The following ALG9 variants were observed in gnomAD, a reference collection of about 807,000 sequenced individuals.
ALG9 encodes the protein alpha-1,2-mannosyltransferase ALG9.
Under a neutral mutation model 81.8 loss-of-function variants are expected in ALG9, and 55 were observed. The observed-to-expected ratio is 0.67, with a 90% CI of 0.54 to 0.84. ALG9 has a LOEUF of 0.84. ALG9 is among the 40% of genes least tolerant of loss of function. The pLI, the probability that ALG9 is intolerant of heterozygous loss-of-function variation, is 0.00. For missense variants in ALG9, 629 were observed against 745.0 expected (o/e 0.84, Z 1.81); for synonymous variants, 278 against 274.3 (o/e 1.01, Z -0.13).
chr11:111,780,473 T>C (rs782157013), downstream of ALG9, among the ~76,000 whole-genome samples: 18 of 151,066 alleles, frequency 1.2e-4, no homozygotes, highest in Admixed American at 3.3e-4. Context: ...CTTGGCTCAC[T>C]GCAACCTCCA....
Position 111,843,629 on chromosome 11 carries a change from T to C in ALG9, c.1018+972A>G, listed in dbSNP as rs1442892414. Among the ~76,000 whole-genome samples, 98 of 152,130 alleles carry C rather than the reference T, an allele frequency of 6.4e-4. 2 individuals carry two copies. The highest frequency in any genetic ancestry group is 8.8e-5 in the Non-Finnish European group (6 of 68,018). ...TCAGACTGCAAAGTCTGAAATTAAATCTTTTTCCAAACCTCATATGAATTT... is the reference window on the plus strand; with the variant it reads ...TCAGACTGCAAAGTCTGAAATTAAACCTTTTTCCAAACCTCATATGAATTT... On this transcript the variant is annotated intron_variant, in intron 9 of 14. Transcript: ENST00000616540.
intron 7 of ALG9, 62 bp from the exon 8 acceptor site, chr11:111,853,547 C>A: frequency 6.4e-7 from 1 of 1,572,106 alleles, no homozygotes; most frequent in Non-Finnish European, 8.8e-7. Context: ...ATAGGATAAA[C>A]CTGAGAATGA....
At position 111,870,507 on chromosome 11, in the gene ALG9, G is replaced by A. The variant is rs561974701; in HGVS notation, c.132-137C>T. On this transcript the variant is annotated intron_variant, in intron 1 of 14. Transcript: ENST00000616540. ...ACTTAAGTTATTCACCTAAAAAGGT[G>A]AATAGCTAGTTGTTTTTTCTCAGTA... The A allele has an allele frequency of 2.9e-5, 34 of 1,176,182 alleles. No individual in the cohort carries two copies. In the African/African-American group the frequency reaches 5.2e-4, roughly 18 times the overall value. The allele number at this position is 1,176,182 out of a possible 1,614,324, so 72.9% of individuals were successfully genotyped here.
chr11:111,866,545 C>T (rs1555153200), intron 3 of ALG9, among the ~76,000 whole-genome samples: 2 of 151,984 alleles, frequency 1.3e-5, no homozygotes, highest in East Asian at 1.9e-4. Flanking sequence ...TTCCCCTTTG[C>T]TGAATGGCTA....
chr11:111,869,768 G>A (rs528544992), intron 2 of ALG9, among the ~76,000 whole-genome samples: 3 of 152,278 alleles, frequency 2.0e-5, no homozygotes, highest in African/African-American at 7.2e-5. Flanking sequence ...TGAGAGGATC[G>A]CTTGAGCCTA....
In ALG9 at chr11:111,836,222, G is replaced by T; in HGVS notation, c.1545C>A (p.Ala515=). 6.2e-7 allele frequency: 1 copy of T among 1,614,050 alleles called. No homozygotes were observed. Among genetic ancestry groups the T allele is most frequent in the Non-Finnish European group, 8.5e-7 (1 of 1,179,952 alleles). Residue 515 remains alanine (A), a synonymous_variant, in exon 13 of 15, where the codon GCC becomes GCA. Coordinates refer to ENST00000616540, the MANE Select transcript of ALG9 (RefSeq NM_024740.2). ...LPKPFAEGPL[A]TRIVPTDMND... ...TCATGTCAGTAGGAACAATCCGGGT[G>T]GCCAGAGGTCCTTCTGCAAAAGGTT... is the stretch of plus-strand genomic sequence containing the variant.
chr11:111,771,412 C>CA, the ALG9 span: 2 of 152,302 alleles, frequency 1.3e-5, no homozygotes, highest in East Asian at 3.9e-4. Flanking sequence ...AGAAAAGCAT[C>CA]AGTCATGAGG....
chr11:111,776,684 G>A, the ALG9 span, among the ~76,000 whole-genome samples: 1 of 152,184 alleles, frequency 6.6e-6, no homozygotes, highest in Non-Finnish European at 1.5e-5. Flanking sequence ...CTAAGATTGA[G>A]CTCAAAGGAG....
chr11:111,865,492 T>C (rs968884735), intron 3 of ALG9, among the ~76,000 whole-genome samples: 2 of 152,230 alleles, frequency 1.3e-5, no homozygotes, highest in Non-Finnish European at 2.9e-5. Context: ...ATTGCAGTTT[T>C]AGTAAAAACT....
intron 10 of ALG9, among the ~76,000 whole-genome samples, chr11:111,838,887 G>T (rs1955764566): frequency 6.6e-6 from 1 of 152,058 alleles, no homozygotes; most frequent in Non-Finnish European, 1.5e-5. Context: ...TTACAAACTA[G>T]ATGAATATAA....
the ALG9 span, among the ~76,000 whole-genome samples, chr11:111,770,495 C>G: frequency 1.3e-5 from 2 of 151,716 alleles, no homozygotes; most frequent in Admixed American, 1.3e-4. Flanking sequence ...GTCCCACAGC[C>G]TGAGCAACAA....
Position 111,782,391 on chromosome 11 carries a change from A to C in ALG9, c.*4006T>G, listed in dbSNP as rs1446895788. The C allele has an allele frequency of 6.6e-6, 1 of 152,642 alleles. No individual in the cohort carries two copies. Among genetic ancestry groups the C allele is most frequent in the Non-Finnish European group, 1.5e-5 (1 of 68,048 alleles). The allele number at this position is 152,642 out of a possible 1,614,324, so 9.5% of individuals were successfully genotyped here. Reference sequence around the variant, plus strand: ...GTTATACAGACTGGCAGAAGGCAACATTCAGATTTACAGATACACCAGAAA... The same window carrying C: ...GTTATACAGACTGGCAGAAGGCAACCTTCAGATTTACAGATACACCAGAAA... On this transcript the variant is annotated 3_prime_UTR_variant, in exon 15 of 15. Transcript: ENST00000616540.
intron 13 of ALG9, among the ~76,000 whole-genome samples, chr11:111,820,753 G>T (rs893132055): frequency 6.6e-6 from 1 of 152,042 alleles, no homozygotes; most frequent in Non-Finnish European, 1.5e-5. Context: ...GATGTTTTTT[G>T]ACTCCATTTT....
intron 8 of ALG9, among the ~76,000 whole-genome samples, chr11:111,845,905 A>G (rs1956878688): frequency 1.3e-5 from 2 of 152,230 alleles, no homozygotes; most frequent in African/African-American, 4.8e-5. Flanking sequence ...GGGAGGTTAC[A>G]CTAAGGAAAA....
chr11:111,809,454 C>T (rs1244972486), intron 14 of ALG9, among the ~76,000 whole-genome samples, 189 bp downstream of exon 14: 1 of 151,966 alleles, frequency 6.6e-6, no homozygotes, highest in African/African-American at 2.4e-5. Context: ...CACTTGAACC[C>T]AGGAGTCAGA....
chr11:111,788,264 C>A (rs372753111), intron 14 of ALG9, among the ~76,000 whole-genome samples: 1 of 152,332 alleles, frequency 6.6e-6, no homozygotes, highest in East Asian at 1.9e-4. Context: ...GGCATGCACA[C>A]CTCTTAGAGA....
chr11:111,868,729 T>G lies in ALG9; in HGVS notation c.278A>C (p.Tyr93Ser). 1.2e-6 allele frequency: 2 copies of G among 1,609,692 alleles called. No individual in the cohort carries two copies. Among genetic ancestry groups the G allele is most frequent in the Non-Finnish European group, 8.5e-7 (1 of 1,177,544 alleles). The change falls in exon 3 of 15, where the codon TAC becomes TCC. Residue 93 changes from tyrosine to serine, a missense_variant. Coordinates refer to ENST00000616540, the MANE Select transcript of ALG9 (RefSeq NM_024740.2). ...ETFNYWEPTH[Y>S]LIYGEGFQTW... ...CTGAAACCCTTCCCCATAGATGAGG[T>G]AGTGTGTCTAAAAATACAAAACAGA... is the stretch of plus-strand genomic sequence containing the variant.
chr11:111,851,039 A>T (rs1016600069), intron 8 of ALG9, among the ~76,000 whole-genome samples: 1 of 152,222 alleles, frequency 6.6e-6, no homozygotes, highest in African/African-American at 2.4e-5. Flanking sequence ...CCAATATCCC[A>T]GGAAAGACTG....
intron 13 of ALG9, among the ~76,000 whole-genome samples, chr11:111,813,230 T>C (rs1326592762): frequency 1.3e-5 from 2 of 152,214 alleles, no homozygotes; most frequent in Non-Finnish European, 2.9e-5. Context: ...GTAAAAGAGT[T>C]TGTGGATAAA....
Sources: allele counts gnomAD v4.1 joint callset (sites outside exome capture counted in the v4.1 genomes callset), GRCh38; gene constraint gnomAD v4.1.1; transcripts MANE v1.5; gene names NCBI Gene and HGNC (gene_info 2026-07-23, HGNC 2026-07-21).